Variants in KIT observed in about 807,000 individuals in gnomAD.
KIT encodes the protein mast/stem cell growth factor receptor Kit.
In KIT, 16 loss-of-function variants were observed where a neutral mutation model predicts 105.7. That is an observed-to-expected ratio of 0.15 (90% CI 0.10 to 0.23). The LOEUF (loss-of-function observed/expected upper bound fraction) is 0.23, where lower values mean the gene tolerates loss of function less well. Among genes scored for constraint, KIT ranks in the 10% least tolerant of loss-of-function variants. KIT has a pLI of 1.00. For missense variants in KIT, 858 were observed against 1,213.8 expected, an observed-to-expected ratio of 0.71 and a Z score of 4.36; for synonymous variants, 438 against 441.1, an observed-to-expected ratio of 0.99 and a Z score of 0.09.
intron 7 of KIT, among the ~76,000 whole-genome samples, chr4:54,711,928 CAAAAAAA>C (rs549683976): frequency 1.4e-5 from 1 of 73,900 alleles, no homozygotes; most frequent in African/African-American, 5.1e-5. Flanking sequence ...GAGTCCGTCT[CAAAAAAA>C]AAAAAAAAAA....
At chr4:54,696,889 C>A (rs1720107053) in intron 2 of KIT, among the ~76,000 whole-genome samples, 1 of 152,226 alleles carries the variant, frequency 6.6e-6, no homozygotes, top group African/African-American at 2.4e-5. Context: ...ATGTGCTGTT[C>A]TTTACATTCA....
rs60429188 is a variant in KIT, at chr4:54,735,366, C to CA, written c.2485-1120dup. ...AAGCTGACTAAAATAACTTTAACAC[C>CA]AAAAAAAAAAAAGAAAAAAAAAAAA... is the stretch of plus-strand genomic sequence containing the variant. On this transcript the variant is annotated intron_variant, in intron 17 of 20. Coordinates refer to ENST00000288135, the MANE Select transcript of KIT (RefSeq NM_000222.3). Among the ~76,000 whole-genome samples, 629 of 86,198 alleles carry CA rather than the reference C, an allele frequency of 7.3e-3. 2 individuals are homozygous for CA. Among genetic ancestry groups the CA allele is most frequent in the Middle Eastern group, 0.015 (2 of 130 alleles). 56.5% of individuals were successfully genotyped at this position (86,198 alleles called of 152,430 possible). A position where few individuals can be genotyped will look rare whatever the true frequency, so the allele number is the denominator to read the frequency against.
chr4:54,728,194 C>T, intron 13 of KIT, 73 bp downstream of exon 13: 1 of 1,123,182 alleles, frequency 8.9e-7, no homozygotes, highest in Non-Finnish European at 1.3e-6. Context: ...ATGATTTTGG[C>T]AATGCTAGAT....
At chr4:54,734,512 G>A (rs1473266796) in intron 17 of KIT, among the ~76,000 whole-genome samples, 1 of 152,164 alleles carries the variant, frequency 6.6e-6, no homozygotes, top group East Asian at 1.9e-4. Flanking sequence ...TTATTGGTTA[G>A]TGACCTTAGT....
chr4:54,707,629 T>G (rs1431973197), intron 6 of KIT, among the ~76,000 whole-genome samples: 1 of 152,210 alleles, frequency 6.6e-6, no homozygotes, highest in Non-Finnish European at 1.5e-5. Flanking sequence ...TTAGTACCTA[T>G]AATTGTTTCT....
chr4:54,702,692 CT>C lies in KIT; in HGVS notation c.757-1028del, dbSNP rs1246020947. Among the ~76,000 whole-genome samples the C allele has an allele frequency of 2.6e-5, 4 of 152,046 alleles. No homozygotes were observed. The East Asian group carries it at 7.7e-4, about 29-fold the overall frequency. On this transcript the variant is annotated intron_variant, in intron 4 of 20. Coordinates refer to ENST00000288135, the MANE Select transcript of KIT (RefSeq NM_000222.3). The stretch of plus-strand genomic sequence containing the variant: ...TTTTACCACAACCAACATATTGAAG[CT>C]TTTATTTTCTGTTGAGCAATTTCCT...
At chr4:54,678,199 T>C (rs1014163256) in intron 1 of KIT, among the ~76,000 whole-genome samples, 3 of 152,164 alleles carry the variant, frequency 2.0e-5, no homozygotes, top group Non-Finnish European at 4.4e-5. Context: ...AACTATAATT[T>C]TGTGCTTTGA....
At chr4:54,729,787 T>C (rs1722477679) in intron 14 of KIT, among the ~76,000 whole-genome samples, 1 of 152,198 alleles carries the variant, frequency 6.6e-6, no homozygotes. Context: ...TGCATGTATT[T>C]CCATTTATAC....
chr4:54,662,502 A>G (rs1029279197), intron 1 of KIT, among the ~76,000 whole-genome samples: 24 of 152,186 alleles, frequency 1.6e-4, no homozygotes, highest in African/African-American at 5.8e-4. Context: ...TAAAACAGGA[A>G]TTATTATTGT....
Position 54,685,749 on chromosome 4 carries a change from G to A in KIT, c.68-9763G>A, listed in dbSNP as rs141731329. Among the ~76,000 whole-genome samples the A allele has an allele frequency of 1.6e-3, 251 of 152,308 alleles. 1 individual carries two copies. In the Middle Eastern group the frequency reaches 0.024, roughly 14 times the overall value. ...CCTAGGCACTGACTCCACTAGTTCTGTGATATTTGGTCTTGAATGTCTCTC... is the reference window on the plus strand; with the variant it reads ...CCTAGGCACTGACTCCACTAGTTCTATGATATTTGGTCTTGAATGTCTCTC... On this transcript the variant is annotated intron_variant, in intron 1 of 20. Coordinates refer to ENST00000288135, the MANE Select transcript of KIT (RefSeq NM_000222.3).
At chr4:54,717,050 C>G (rs1401220933) in intron 7 of KIT, among the ~76,000 whole-genome samples, 2 of 152,028 alleles carry the variant, frequency 1.3e-5, no homozygotes, top group African/African-American at 4.8e-5. Flanking sequence ...ATTTTCTGTT[C>G]CTGAACTTGA....
chr4:54,719,437 A>G (rs1227775708), intron 7 of KIT, among the ~76,000 whole-genome samples: 1 of 152,222 alleles, frequency 6.6e-6, no homozygotes, highest in African/African-American at 2.4e-5. Context: ...CTGGATGTGT[A>G]GGATTTTTAA....
At chr4:54,658,456 C>G (rs1031618813) in intron 1 of KIT, among the ~76,000 whole-genome samples, 2 of 151,974 alleles carry the variant, frequency 1.3e-5, no homozygotes, top group Admixed American at 6.5e-5. Flanking sequence ...CTTCTCTTGC[C>G]GTGCGAGGCG....
intron 5 of KIT, 27 bp downstream of exon 5, chr4:54,703,919 A>C (rs1433077811): frequency 6.5e-7 from 1 of 1,547,124 alleles, no homozygotes; most frequent in Non-Finnish European, 8.9e-7. Flanking sequence ...GAATGTTTAA[A>C]TTACTGGCAG....
At chr4:54,696,535 C>T (rs1720080172) in intron 2 of KIT, among the ~76,000 whole-genome samples, 1 of 152,144 alleles carries the variant, frequency 6.6e-6, no homozygotes, top group Non-Finnish European at 1.5e-5. Flanking sequence ...TGGACTGGGG[C>T]TGTCTTTGAA....
chr4:54,738,998 A>G lies in KIT; in HGVS notation c.*441A>G, dbSNP rs1723090150. On this transcript the variant is annotated 3_prime_UTR_variant, in exon 21 of 21. Coordinates refer to ENST00000288135, the MANE Select transcript of KIT (RefSeq NM_000222.3). ...AACCTAAGTCCTTTATGTGGAAAACAGAACATCATTAGAACAAAGGACAGA... is the reference window on the plus strand; with the variant it reads ...AACCTAAGTCCTTTATGTGGAAAACGGAACATCATTAGAACAAAGGACAGA... The G allele has an allele frequency of 4.0e-6, 2 of 498,260 alleles. No homozygotes were observed. Among genetic ancestry groups the G allele is most frequent in the East Asian group, 6.0e-5 (2 of 33,348 alleles). 30.9% of individuals were successfully genotyped at this position (498,260 alleles called of 1,614,324 possible).
At position 54,722,663 on chromosome 4, in the gene KIT, C is replaced by G. The variant is rs541719104; in HGVS notation, c.1232-921C>G. ...TCCTTCAGATGTATTGCCATCAGAA[C>G]CACCGAGTATAAGTGCATCTTCCTT... On this transcript the variant is annotated intron_variant, in intron 7 of 20. Coordinates refer to ENST00000288135, the MANE Select transcript of KIT (RefSeq NM_000222.3). 2.6e-5 allele frequency among the ~76,000 whole-genome samples: 4 copies of G among 152,042 alleles called. No homozygotes were observed. The East Asian group carries it at 5.8e-4, about 22-fold the overall frequency.
At chr4:54,666,120 T>C (rs1717670101) in intron 1 of KIT, among the ~76,000 whole-genome samples, 2 of 152,078 alleles carry the variant, frequency 1.3e-5, no homozygotes, top group Non-Finnish European at 2.9e-5. Context: ...CTTAAAGAAA[T>C]TGGATTTATT....
intron 1 of KIT, among the ~76,000 whole-genome samples, chr4:54,675,729 A>G (rs1379805433): frequency 6.6e-6 from 1 of 152,198 alleles, no homozygotes; most frequent in Non-Finnish European, 1.5e-5. Context: ...GCTGTGTGGA[A>G]GAACACAGAC....
Sources: gnomAD v4.1 joint callset for allele counts (sites outside exome capture counted in the v4.1 genomes callset) on GRCh38, gnomAD v4.1.1 for gene constraint, MANE v1.5 for transcripts, NCBI Gene and HGNC (gene_info 2026-07-23, HGNC 2026-07-21) for gene names.